Variants in LIFR observed in about 807,000 individuals in gnomAD.
LIFR encodes leukemia inhibitory factor receptor.
Under a neutral mutation model 122.2 loss-of-function variants are expected in LIFR, and 84 were observed. That is an observed-to-expected ratio of 0.69 (90% CI 0.58 to 0.82). LIFR has a LOEUF of 0.82. Among genes scored for constraint, LIFR ranks in the 40% least tolerant of loss-of-function variants. The pLI is 0.00. For synonymous variants in LIFR, 422 were observed against 434.7 expected, an observed-to-expected ratio of 0.97 and a Z score of 0.36; for missense variants, 1,294 against 1,311.6, an observed-to-expected ratio of 0.99 and a Z score of 0.21.
At chr5:38,555,772 G>A (rs1748491446) in intron 1 of LIFR, among the ~76,000 whole-genome samples, 2 of 152,106 alleles carry the variant, frequency 1.3e-5, no homozygotes, top group Non-Finnish European at 2.9e-5. Flanking sequence ...CAGAACACGT[G>A]ATGTGCAGTT....
At chr5:38,486,526 A>C (rs1353986001) in intron 16 of LIFR, among the ~76,000 whole-genome samples, 2 of 152,208 alleles carry the variant, frequency 1.3e-5, no homozygotes, top group Non-Finnish European at 2.9e-5. Flanking sequence ...AATCATTTGA[A>C]CTACTATTTT....
At chr5:38,503,690 A>G (rs1745302654) in intron 10 of LIFR, among the ~76,000 whole-genome samples, 1 of 149,260 alleles carries the variant, frequency 6.7e-6, no homozygotes, top group Non-Finnish European at 1.5e-5. Context: ...AATGATGCTA[A>G]AAGTTACAGC....
At chr5:38,548,348 G>C (rs572204817) in intron 1 of LIFR, among the ~76,000 whole-genome samples, 24 of 152,176 alleles carry the variant, frequency 1.6e-4, no homozygotes, top group Non-Finnish European at 3.4e-4. Context: ...ACAGTAGTTT[G>C]TTGAATAAGC....
Position 38,504,075 on chromosome 5 carries a change from T to C in LIFR, c.1338A>G (p.Ser446=), listed in dbSNP as rs770514781. ...PTSFKVKDIN[S]TAVKLSWHLP... ...AATGCCAAGAAAGTTTAACAGCTGT[T>C]GAATTAATATCCTTCACTTTGAATG... The change falls in exon 10 of 20, where the codon TCA becomes TCG. Residue 446 remains serine, a synonymous_variant. Coordinates refer to ENST00000453190, the MANE Select transcript of LIFR (RefSeq NM_001127671.2). 23 of 1,587,032 alleles carry C rather than the reference T, an allele frequency of 1.4e-5. No individual in the cohort carries two copies. The Admixed American group carries it at 2.0e-4, about 14-fold the overall frequency.
At position 38,523,572 on chromosome 5, in the gene LIFR, TG is replaced by T. The variant is rs1746518336; in HGVS notation, c.407del (p.Pro136GlnfsTer7). 6.2e-7 allele frequency: 1 copy of T among 1,612,450 alleles called. No individual in the cohort carries two copies. Among genetic ancestry groups the T allele is most frequent in the Non-Finnish European group, 8.5e-7 (1 of 1,178,672 alleles). ...ACAAATTCAAGATCTCTGGAGTATC[TG>T]GAATTAAGGCTTTAAAAAGAGGAAA... is the stretch of plus-strand genomic sequence containing the variant. ...TLNEQNVSLIPDTPEILNLSA... is the reference protein window; with the variant it reads ...TLNEQNVSLIXDTPEILNLSA... On this transcript the variant is annotated frameshift_variant, in exon 5 of 20. Coordinates refer to ENST00000453190, the MANE Select transcript of LIFR (RefSeq NM_001127671.2). LOFTEE classifies it high-confidence loss of function.
chr5:38,498,071 C>T (rs1194538082), intron 12 of LIFR, among the ~76,000 whole-genome samples: 1 of 152,168 alleles, frequency 6.6e-6, no homozygotes, highest in African/African-American at 2.4e-5. Flanking sequence ...TTAATTTATA[C>T]ACCAATGTAT....
At chr5:38,559,513 G>A (rs1001569733), upstream of LIFR, among the ~76,000 whole-genome samples, 5 of 152,192 alleles carry the variant, frequency 3.3e-5, no homozygotes, top group Non-Finnish European at 5.9e-5. Flanking sequence ...TCATAGACCA[G>A]TCTGTGTTGT....
intron 5 of LIFR, among the ~76,000 whole-genome samples, chr5:38,512,609 C>T (rs1030898699): frequency 2.0e-5 from 3 of 152,120 alleles, no homozygotes; most frequent in African/African-American, 7.2e-5. Context: ...AACTGCACTC[C>T]AGCCTGGGTG....
intron 5 of LIFR, among the ~76,000 whole-genome samples, chr5:38,522,293 G>A (rs1746445870): frequency 6.6e-6 from 1 of 152,168 alleles, no homozygotes; most frequent in Non-Finnish European, 1.5e-5. Flanking sequence ...AGCCACTGCT[G>A]GTGTTCTGCT....
chr5:38,499,508 T>A lies in LIFR; in HGVS notation c.1671+5A>T. ...TAAATGTTCACAGAAAAATTAGATA[T>A]TTACCTTCCAATAGATTATTAAATT... On this transcript the variant is annotated splice_donor_5th_base_variant and intron_variant, in intron 12 of 19. Coordinates refer to ENST00000453190, the MANE Select transcript of LIFR (RefSeq NM_001127671.2). The A allele has an allele frequency of 6.4e-7, 1 of 1,566,578 alleles. No individual in the cohort carries two copies. Among genetic ancestry groups the A allele is most frequent in the East Asian group, 2.2e-5 (1 of 44,674 alleles).
At chr5:38,542,186 C>T (rs995246800) in intron 1 of LIFR, among the ~76,000 whole-genome samples, 4 of 152,166 alleles carry the variant, frequency 2.6e-5, no homozygotes, top group Admixed American at 2.0e-4. Context: ...CCCATCTCAC[C>T]ATAAGTGCCA....
rs766662088 is a variant in LIFR at position 38,493,719 on chromosome 5, G to A, written c.1952C>T (p.Pro651Leu). The A allele has an allele frequency of 1.9e-6, 3 of 1,614,058 alleles. No individual in the cohort carries two copies. Among genetic ancestry groups the A allele is most frequent in the Non-Finnish European group, 1.7e-6 (2 of 1,179,978 alleles). Residue 651 changes from proline (P) to leucine (L), a missense_variant, in exon 14 of 20, where the codon CCC (proline) becomes CTC (leucine). Physicochemically the swap from Pro to Leu is moderately conservative, Grantham distance 98. Transcript: ENST00000453190. Reference protein sequence around the residue: ...KGILLTWHYDPNMTCDYVIKW... With the variant: ...KGILLTWHYDLNMTCDYVIKW... ...AATGACGTAGTCGCAAGTCATGTTG[G>A]GGTCGTAATGCCAGGTGAGGAGAAT... is the stretch of plus-strand genomic sequence containing the variant.
intron 1 of LIFR, among the ~76,000 whole-genome samples, chr5:38,590,310 AT>A (rs1240249474): frequency 6.6e-6 from 1 of 152,170 alleles, no homozygotes; most frequent in Non-Finnish European, 1.5e-5. Flanking sequence ...CCATACAAGC[AT>A]GGGGGGAAGG....
chr5:38,569,950 T>A (rs1430922104), intron 1 of LIFR, among the ~76,000 whole-genome samples: 1 of 152,142 alleles, frequency 6.6e-6, no homozygotes, highest in East Asian at 1.9e-4. Context: ...CAGCATTTAA[T>A]ATGGTGGACT....
At chr5:38,504,212 C>G in intron 9 of LIFR, 91 bp from the exon 10 acceptor site, 1 of 935,324 alleles carries the variant, frequency 1.1e-6, no homozygotes, top group Non-Finnish European at 1.7e-6. Context: ...TAAAAAACAA[C>G]GAGGCATCAT....
intron 1 of LIFR, among the ~76,000 whole-genome samples, chr5:38,593,884 TC>T (rs1197030386): frequency 6.6e-6 from 1 of 152,298 alleles, no homozygotes; most frequent in South Asian, 2.1e-4. Context: ...GGTGCCTTGA[TC>T]TGGGAATTAC....
At chr5:38,489,743 A>T (rs1744471580) in intron 15 of LIFR, among the ~76,000 whole-genome samples, 1 of 151,950 alleles carries the variant, frequency 6.6e-6, no homozygotes, top group Non-Finnish European at 1.5e-5. Flanking sequence ...CTGTAATCCC[A>T]GCACTTTAGG....
chr5:38,596,786 T>C (rs1355126825), upstream of LIFR, among the ~76,000 whole-genome samples: 2 of 152,186 alleles, frequency 1.3e-5, no homozygotes, highest in African/African-American at 2.4e-5. Context: ...GTTCCAAATG[T>C]TTATATTATT....
intron 1 of LIFR, among the ~76,000 whole-genome samples, chr5:38,580,696 C>A (rs753750292): frequency 5.9e-5 from 9 of 152,170 alleles, no homozygotes; most frequent in African/African-American, 9.7e-5. Flanking sequence ...ATTTTCCTTT[C>A]CTAAACCTGC....
Sources: allele counts gnomAD v4.1 joint callset (sites outside exome capture counted in the v4.1 genomes callset), GRCh38; gene constraint gnomAD v4.1.1; transcripts MANE v1.5; gene names NCBI Gene and HGNC (gene_info 2026-07-23, HGNC 2026-07-21).